The following NEBL variants were observed in gnomAD, a reference collection of about 807,000 sequenced individuals.
The protein encoded by NEBL is nebulette.
A neutral mutation model predicts 140.2 loss-of-function variants in NEBL; 122 were observed. The ratio of observed to expected loss-of-function variants is 0.87; its 90% CI spans 0.75 to 1.01. The LOEUF (loss-of-function observed/expected upper bound fraction) is 1.01. Ranked by LOEUF, NEBL falls within the 50% of genes least tolerant of loss-of-function variation. NEBL has a pLI of 0.00. For missense variants in NEBL, 1,365 were observed against 1,231.3 expected, an observed-to-expected ratio of 1.11 and a Z score of -1.62; for synonymous variants, 436 against 398.9, an observed-to-expected ratio of 1.09 and a Z score of -1.11.
chr10:20,809,889 A>T lies in NEBL; in HGVS notation c.2528T>A (p.Val843Asp). The T allele has an allele frequency of 6.2e-6, 10 of 1,604,732 alleles. No homozygotes were observed. The highest frequency in any genetic ancestry group is 8.5e-6 in the Non-Finnish European group (10 of 1,174,856). ...GATGGAGCCAGGATCTGTGCGCCAA[A>T]CTTTGAGGTCTTTTGCCAAAAGGAA... ...RRPGIIVDLK[V>D]WRTDPGSIFD... The change falls in exon 25 of 28, where the codon GTT becomes GAT. Residue 843 changes from valine to aspartate, a missense_variant. By Grantham distance (152) the Val-to-Asp change is radical. Coordinates refer to ENST00000377122, the MANE Select transcript of NEBL (RefSeq NM_006393.3).
At chr10:21,116,021 T>C (rs1838269407) in intron 2 of NEBL, among the ~76,000 whole-genome samples, 1 of 152,134 alleles carries the variant, frequency 6.6e-6, no homozygotes, top group African/African-American at 2.4e-5. Context: ...ATCCCTCTCA[T>C]GTATCTTCTG....
intron 4 of NEBL, among the ~76,000 whole-genome samples, chr10:20,925,428 C>G (rs1833858610): frequency 6.6e-6 from 1 of 152,142 alleles, no homozygotes; most frequent in African/African-American, 2.4e-5. Flanking sequence ...CCTCCATCCC[C>G]CTTGTAGAGC....
At chr10:21,013,832 C>T (rs577908746) in intron 3 of NEBL, among the ~76,000 whole-genome samples, 2 of 152,242 alleles carry the variant, frequency 1.3e-5, no homozygotes, top group African/African-American at 4.8e-5. Flanking sequence ...GAACTGAGAT[C>T]GTGCCACTGC....
intron 1 of NEBL, among the ~76,000 whole-genome samples, chr10:21,280,620 T>A (rs1283164898): frequency 5.3e-3 from 27 of 5,066 alleles, no homozygotes; most frequent in African/African-American, 0.05. Context: ...TTCTTTTTCC[T>A]TTTTTTTTTT....
chr10:20,906,584 G>A (rs770773224), intron 4 of NEBL, among the ~76,000 whole-genome samples: 8 of 152,004 alleles, frequency 5.3e-5, no homozygotes, highest in Admixed American at 2.0e-4. Context: ...CTAGTTTAAC[G>A]TATATTGGGG....
intron 2 of NEBL, among the ~76,000 whole-genome samples, chr10:21,099,972 A>G (rs1837395826): frequency 1.3e-5 from 2 of 152,222 alleles, no homozygotes; most frequent in Non-Finnish European, 2.9e-5. Flanking sequence ...GCAAAAAAAT[A>G]AAATAAAATA....
chr10:20,900,029 G>C (rs2131425094), upstream of NEBL, among the ~76,000 whole-genome samples: 1 of 152,290 alleles, frequency 6.6e-6, no homozygotes. Flanking sequence ...AGAATATGAA[G>C]AAAGTGTTCC....
intron 3 of NEBL, among the ~76,000 whole-genome samples, chr10:21,230,400 A>G (rs1478762326): frequency 6.6e-6 from 1 of 152,188 alleles, no homozygotes; most frequent in Non-Finnish European, 1.5e-5. Context: ...CACTTAAAAA[A>G]AGAAAGAAAA....
intron 2 of NEBL, among the ~76,000 whole-genome samples, chr10:21,143,331 C>T (rs1839732575): frequency 6.6e-6 from 1 of 151,524 alleles, no homozygotes; most frequent in African/African-American, 2.4e-5. Context: ...TGTCTGTAAT[C>T]CCAGCTACTT....
chr10:21,147,029 G>T (rs1360792707), intron 2 of NEBL, among the ~76,000 whole-genome samples: 1 of 152,084 alleles, frequency 6.6e-6, no homozygotes, highest in Non-Finnish European at 1.5e-5. Context: ...AAGGGCCTGA[G>T]GCTTCTAGTG....
In NEBL at chr10:20,831,529, T is replaced by A. The variant is rs1263204879; in HGVS notation, c.1504A>T (p.Ser502Cys). ...TEIKGKGMQV[S>C]TDTLDVQRAK... ...CTCTGGACATCAAGAGTGTCTGTGC[T>A]CACCTGCATCCCTTTCCCTTTAATT... Residue 502 changes from serine (S) to cysteine (C), a missense_variant, in exon 15 of 28, where the codon AGC becomes TGC. Ser to Cys is a moderately radical substitution (Grantham distance 112). Around this residue, in one of 2 missense-constraint regions of NEBL, gnomAD observed 1,323 missense variants for 1,154.8 expected, o/e 1.15. Transcript: ENST00000377122. 6.2e-7 allele frequency: 1 copy of A among 1,612,746 alleles called. No homozygotes were observed.
chr10:21,034,657 AGGAGGAAACTGTCTAAC>A (rs1345342192), intron 2 of NEBL, among the ~76,000 whole-genome samples: 2 of 152,232 alleles, frequency 1.3e-5, no homozygotes, highest in South Asian at 2.1e-4. Context: ...CCTTGGGGAG[AGGAGGAAACTGTCTAAC>A]GGAGGAAACT....
At chr10:21,280,052 T>C (rs1564554989) in intron 1 of NEBL, among the ~76,000 whole-genome samples, 1 of 151,762 alleles carries the variant, frequency 6.6e-6, no homozygotes, top group Admixed American at 6.6e-5. Flanking sequence ...CTAAAGACCC[T>C]AAAAAAAAGC....
At chr10:20,789,929 A>G (rs28425649) in intron 26 of NEBL, among the ~76,000 whole-genome samples, 63,247 of 149,708 alleles carry the variant, frequency 0.42, 13,501 homozygotes, top group South Asian at 0.55. Context: ...ATGTGTGTGT[A>G]TATGTGTATA....
chr10:20,818,272 C>T (rs1285102039), intron 20 of NEBL, among the ~76,000 whole-genome samples: 2 of 149,590 alleles, frequency 1.3e-5, no homozygotes, highest in African/African-American at 4.9e-5. Flanking sequence ...ACAATATGTT[C>T]CAATCTCAGC....
intron 13 of NEBL, among the ~76,000 whole-genome samples, chr10:20,839,438 C>A (rs1564370881): frequency 6.6e-6 from 1 of 152,114 alleles, no homozygotes; most frequent in Non-Finnish European, 1.5e-5. Context: ...ATTCCTCCTC[C>A]TTCTGGCAAA....
chr10:21,071,992 T>G (rs1287766326), intron 2 of NEBL, among the ~76,000 whole-genome samples: 1 of 152,066 alleles, frequency 6.6e-6, no homozygotes, highest in Non-Finnish European at 1.5e-5. Flanking sequence ...CTAATTTTTG[T>G]GTTTTAGTAG....
chr10:20,988,541 C>A (rs1219725468), intron 3 of NEBL, among the ~76,000 whole-genome samples: 1 of 152,172 alleles, frequency 6.6e-6, no homozygotes, highest in Non-Finnish European at 1.5e-5. Flanking sequence ...CCTATCCCCC[C>A]TTGCCTAGCC....
At chr10:21,089,769 A>C (rs1363203529) in intron 2 of NEBL, among the ~76,000 whole-genome samples, 1 of 152,214 alleles carries the variant, frequency 6.6e-6, no homozygotes, top group Non-Finnish European at 1.5e-5. Flanking sequence ...TCCCCTGCCC[A>C]GATAAACATC....
Sources: allele counts gnomAD v4.1 joint callset (sites outside exome capture counted in the v4.1 genomes callset), GRCh38; gene constraint gnomAD v4.1.1; regional missense constraint gnomAD v4.1.1; transcripts MANE v1.5; gene names NCBI Gene and HGNC (gene_info 2026-07-23, HGNC 2026-07-21).